The following VPS36 variants were observed in gnomAD, a reference collection of about 807,000 sequenced individuals.
The protein encoded by VPS36 is vacuolar protein sorting 36 homolog, also known as vacuolar protein-sorting-associated protein 36.
VPS36 carries 31 observed loss-of-function variants against 63.5 expected under a neutral mutation model. The ratio of observed to expected loss-of-function variants is 0.49; its 90% CI spans 0.37 to 0.66. The LOEUF (loss-of-function observed/expected upper bound fraction) is 0.66, where lower values mean the gene tolerates loss of function less well. Among genes scored for constraint, VPS36 ranks in the 30% least tolerant of loss-of-function variants. The probability of loss-of-function intolerance (pLI) is 0.00; values close to 1 mark genes in which losing one functional copy is unlikely to be tolerated. For synonymous variants in VPS36, 138 were observed against 157.2 expected (o/e 0.88, Z 0.91); for missense variants, 338 against 463.7 (o/e 0.73, Z 2.49).
Position 52,425,938 on chromosome 13 carries a change from A to G in VPS36, c.768T>C (p.Pro256=). 1 of 1,611,192 alleles carries G rather than the reference A, an allele frequency of 6.2e-7. No individual in the cohort carries two copies. Residue 256 remains proline, a synonymous_variant, in exon 9 of 14, where the codon CCT becomes CCC. Coordinates refer to ENST00000378060, the MANE Select transcript of VPS36 (RefSeq NM_016075.4). ...AKQLAGILQV[P]LEERGGIMSL... Reference sequence around the variant, plus strand: ...ACATAGGTTTAGTTTTTACCTCTAAAGGCACCTGCAATATTCCAGCCAGTT... The same window carrying G: ...ACATAGGTTTAGTTTTTACCTCTAAGGGCACCTGCAATATTCCAGCCAGTT...
intron 6 of VPS36, 35 bp from the exon 7 acceptor site, chr13:52,427,254 C>T: frequency 6.2e-7 from 1 of 1,600,436 alleles, no homozygotes; most frequent in South Asian, 1.1e-5. Context: ...TGAAATCCAT[C>T]TAAAGAATTA....
Position 52,450,610 on chromosome 13 carries a change from G to A in VPS36, c.-16C>T. 1.3e-6 allele frequency: 2 copies of A among 1,555,970 alleles called. No homozygotes were observed. The highest frequency in any genetic ancestry group is 1.2e-5 in the South Asian group (1 of 85,510). ...AGCGGTCCATGGCCGCTGCCACCCAGCCCCGGCCCTCCGAGGCCGCGAGCA... is the reference window on the plus strand; with the variant it reads ...AGCGGTCCATGGCCGCTGCCACCCAACCCCGGCCCTCCGAGGCCGCGAGCA... On this transcript the variant is annotated 5_prime_UTR_variant, in exon 1 of 14. Transcript: ENST00000378060.
intron 3 of VPS36, among the ~76,000 whole-genome samples, chr13:52,437,290 A>G (rs1353615150): frequency 6.6e-6 from 1 of 152,182 alleles, no homozygotes; most frequent in African/African-American, 2.4e-5. Flanking sequence ...GGGTGGGGCC[A>G]GCCTTGTAAG....
At chr13:52,425,026 C>T (rs1206173056) in intron 9 of VPS36, among the ~76,000 whole-genome samples, 2 of 150,338 alleles carry the variant, frequency 1.3e-5, no homozygotes, top group South Asian at 2.1e-4. Flanking sequence ...TTTGGGAGGC[C>T]GAGGCGGGCG....
intron 10 of VPS36, among the ~76,000 whole-genome samples, chr13:52,419,145 G>A (rs1272085130): frequency 3.3e-5 from 5 of 152,224 alleles, no homozygotes; most frequent in East Asian, 1.9e-4. Flanking sequence ...AAAACACAGA[G>A]CAGGGGCTTA....
intron 12 of VPS36, 59 bp from the exon 13 acceptor site, chr13:52,416,152 C>A: frequency 6.5e-7 from 1 of 1,534,630 alleles, no homozygotes; most frequent in South Asian, 1.2e-5. Context: ...AATTTAAACA[C>A]ACTCTGGGTT....
intron 6 of VPS36, 122 bp from the exon 7 acceptor site, chr13:52,427,341 C>T: frequency 1.0e-6 from 1 of 976,824 alleles, no homozygotes; most frequent in Non-Finnish European, 1.6e-6. Context: ...CGCAGTGGCT[C>T]ACGCCTATAA....
At chr13:52,436,531 G>A (rs1159145366) in intron 3 of VPS36, 127 bp from the exon 4 acceptor site, 2 of 694,004 alleles carry the variant, frequency 2.9e-6, no homozygotes, top group East Asian at 2.7e-5. Context: ...ATCCCAAAAA[G>A]CATCCTTTTA....
chr13:52,440,387 A>C (rs2137803889), intron 2 of VPS36, among the ~76,000 whole-genome samples: 2 of 152,234 alleles, frequency 1.3e-5, no homozygotes, highest in South Asian at 4.1e-4. Flanking sequence ...TCTGCCTCCC[A>C]GGTTCAAGCA....
intron 3 of VPS36, among the ~76,000 whole-genome samples, chr13:52,437,394 C>T (rs1235714641): frequency 6.6e-6 from 1 of 151,978 alleles, no homozygotes; most frequent in East Asian, 1.9e-4. Context: ...AACAAACCAT[C>T]AAGTAGAGCA....
intron 10 of VPS36, among the ~76,000 whole-genome samples, chr13:52,420,237 G>C (rs1180926976): frequency 1.4e-5 from 2 of 146,612 alleles, no homozygotes; most frequent in Non-Finnish European, 3.0e-5. Flanking sequence ...AGTTAAGACT[G>C]TCTCAAAAAA....
Position 52,428,745 on chromosome 13 carries a change from T to A in VPS36, c.529-1526A>T, listed in dbSNP as rs993350809. Among the ~76,000 whole-genome samples the A allele has an allele frequency of 9.2e-5, 14 of 152,288 alleles. No individual in the cohort carries two copies. The East Asian group carries it at 2.5e-3, about 27-fold the overall frequency. On this transcript the variant is annotated intron_variant, in intron 6 of 13. Transcript: ENST00000378060. ...TATATAAGATATTAATAGATTTTTT[T>A]ATCTGTGTAAAGAAAACTGGTAAAG...
In VPS36 at chr13:52,412,838, T is replaced by C. The variant is rs1412018024; in HGVS notation, c.*2992A>G. ...ATACTCTAGATCGTAAGGGATGGGA[T>C]TAGCAATAAATTTACATAAATTCAA... is the stretch of plus-strand genomic sequence containing the variant. On this transcript the variant is annotated 3_prime_UTR_variant, in exon 14 of 14. Transcript: ENST00000378060. 6.6e-6 allele frequency: 1 copy of C among 152,310 alleles called. No homozygotes were observed. Among genetic ancestry groups the C allele is most frequent in the Non-Finnish European group, 1.5e-5 (1 of 68,034 alleles). The allele number at this position is 152,310 out of a possible 1,614,324, so 9.4% of individuals were successfully genotyped here.
intron 6 of VPS36, among the ~76,000 whole-genome samples, chr13:52,431,655 C>T (rs1256596975): frequency 1.3e-5 from 2 of 150,020 alleles, no homozygotes; most frequent in Non-Finnish European, 3.0e-5. Context: ...CCCAGCTACT[C>T]GGGAGGCTAA....
intron 6 of VPS36, among the ~76,000 whole-genome samples, chr13:52,427,549 G>T (rs1192351878): frequency 6.6e-6 from 1 of 152,008 alleles, no homozygotes; most frequent in African/African-American, 2.4e-5. Flanking sequence ...GGAGCTTGCG[G>T]TGAGCCGAGA....
chr13:52,417,058 G>T lies in VPS36; in HGVS notation c.989C>A (p.Thr330Lys). The change falls in exon 12 of 14, where the codon ACA (threonine) becomes AAA (lysine). Residue 330 changes from threonine (T) to lysine (K), a missense_variant and splice_region_variant. By Grantham distance (78) the Thr-to-Lys change is moderately conservative (BLOSUM62 -1). Coordinates refer to ENST00000378060, the MANE Select transcript of VPS36 (RefSeq NM_016075.4). ...EEEMVASALETVSEKGSLTSE... is the reference protein window; with the variant it reads ...EEEMVASALEKVSEKGSLTSE... ...CTGGAGAAAATCGGCTTCACATACT[G>T]TCTCCAGGGCCGAGGCCACCATTTC... 6.2e-7 allele frequency: 1 copy of T among 1,613,180 alleles called. No homozygotes were observed. Among genetic ancestry groups the T allele is most frequent in the Non-Finnish European group, 8.5e-7 (1 of 1,179,456 alleles).
In VPS36 at chr13:52,436,420, ATG is replaced by A; in HGVS notation, c.237-18_237-17del. The A allele has an allele frequency of 6.6e-7, 1 of 1,523,268 alleles. No individual in the cohort carries two copies. The highest frequency in any genetic ancestry group is 9.1e-7 in the Non-Finnish European group (1 of 1,104,534). 94.4% of individuals were successfully genotyped at this position (1,523,268 alleles called of 1,614,324 possible). ...TATTTTGGCACTGAAGAAAGAACAA[ATG>A]TAATATATTGAATTGTCTTTCAAAA... is the stretch of plus-strand genomic sequence containing the variant. On this transcript the variant is annotated splice_polypyrimidine_tract_variant and intron_variant, in intron 3 of 13. Coordinates refer to ENST00000378060, the MANE Select transcript of VPS36 (RefSeq NM_016075.4).
intron 6 of VPS36, 71 bp from the exon 7 acceptor site, chr13:52,427,290 C>A: frequency 6.5e-7 from 1 of 1,542,938 alleles, no homozygotes; most frequent in South Asian, 1.1e-5. Context: ...ATGAAGCACC[C>A]TCTATTTTTT....
At chr13:52,435,688 T>C (rs962990694) in intron 4 of VPS36, among the ~76,000 whole-genome samples, 1 of 152,198 alleles carries the variant, frequency 6.6e-6, no homozygotes, top group Non-Finnish European at 1.5e-5. Flanking sequence ...CTTTAGTCAA[T>C]CACTTATATC....
Sources: gnomAD v4.1 joint callset for allele counts (sites outside exome capture counted in the v4.1 genomes callset) on GRCh38, gnomAD v4.1.1 for gene constraint, MANE v1.5 for transcripts, NCBI Gene and HGNC (gene_info 2026-07-23, HGNC 2026-07-21) for gene names.